PLXNB2: variants seen among roughly 807,000 people sequenced by gnomAD.
The protein encoded by PLXNB2 is plexin-B2.
Under a neutral mutation model 202.6 loss-of-function variants are expected in PLXNB2, and 85 were observed. The ratio of observed to expected loss-of-function variants is 0.42; its 90% confidence interval spans 0.35 to 0.50. The LOEUF (loss-of-function observed/expected upper bound fraction) is 0.50. PLXNB2 is among the 20% of genes least tolerant of loss of function. The probability of loss-of-function intolerance (pLI) is 0.02; values close to 1 mark genes in which losing one functional copy is unlikely to be tolerated. For missense variants in PLXNB2, 2,063 were observed against 2,586.2 expected, an observed-to-expected ratio of 0.80 and a Z score of 4.39; for synonymous variants, 1,239 against 1,137.6, an observed-to-expected ratio of 1.09 and a Z score of -1.79.
intron 1 of PLXNB2, among the ~76,000 whole-genome samples, chr22:50,302,428 G>A (rs145268680): frequency 0.017 from 2,543 of 152,258 alleles, 59 homozygotes; most frequent in East Asian, 0.096. Flanking sequence ...CTTGCTCCAC[G>A]CGGAGGCTTG....
At chr22:50,298,926 G>A (rs1384911739) in intron 1 of PLXNB2, among the ~76,000 whole-genome samples, 2 of 152,238 alleles carry the variant, frequency 1.3e-5, no homozygotes, top group Non-Finnish European at 2.9e-5. Context: ...AATTACAGGC[G>A]TGAGCCACCA....
chr22:50,301,701 C>A (rs547042513), intron 1 of PLXNB2, among the ~76,000 whole-genome samples: 293 of 152,356 alleles, frequency 1.9e-3, no homozygotes, highest in African/African-American at 6.8e-3. Flanking sequence ...CGCCCACAGC[C>A]CCCTTCTCAC....
At chr22:50,276,254 C>A (rs1601666170) in intron 35 of PLXNB2, among the ~76,000 whole-genome samples, 1 of 150,452 alleles carries the variant, frequency 6.6e-6, no homozygotes, top group South Asian at 2.1e-4. Flanking sequence ...AGGGAGGGGG[C>A]GCTGTGGGCA....
chr22:50,275,654 C>CT lies in PLXNB2; in HGVS notation c.*49dup, dbSNP rs1486879810. On this transcript the variant is annotated 3_prime_UTR_variant, in exon 37 of 37. Transcript: ENST00000359337. Reference sequence around the variant, plus strand: ...ACTCGGCCTCCTCCCCTGAGGGGCTCTCAGGTACCTCAGGTACCTATGTCC... The same window carrying CT: ...ACTCGGCCTCCTCCCCTGAGGGGCTCTTCAGGTACCTCAGGTACCTATGTCC... 1 of 1,305,262 alleles carries CT rather than the reference C, an allele frequency of 7.7e-7. No homozygotes were observed. Among genetic ancestry groups the CT allele is most frequent in the Non-Finnish European group, 1.1e-6 (1 of 928,568 alleles). 80.9% of individuals were successfully genotyped at this position (1,305,262 alleles called of 1,614,324 possible).
At chr22:50,292,199 G>T (rs542037619) in intron 2 of PLXNB2, among the ~76,000 whole-genome samples, 2 of 151,934 alleles carry the variant, frequency 1.3e-5, no homozygotes, top group Non-Finnish European at 2.9e-5. Flanking sequence ...TTAGCCAAGC[G>T]TGCTGGCACC....
chr22:50,281,082 T>G lies in PLXNB2; in HGVS notation c.3763+7A>C. ...CGCCCCAGCACCAGCCCCCAAGCGG[T>G]CCCTACCTGTGAATTCCTTCTTGCA... is the stretch of plus-strand genomic sequence containing the variant. On this transcript the variant is annotated splice_region_variant and intron_variant, in intron 23 of 36. Transcript: ENST00000359337. The G allele has an allele frequency of 6.2e-7, 1 of 1,611,700 alleles. No homozygotes were observed. The highest frequency in any genetic ancestry group is 1.3e-5 in the African/African-American group (1 of 74,980).
chr22:50,304,081 T>C (rs2067801422), intron 1 of PLXNB2, among the ~76,000 whole-genome samples: 1 of 152,156 alleles, frequency 6.6e-6, no homozygotes, highest in South Asian at 2.1e-4. Context: ...TGGGCTGGCC[T>C]CTGGGTGTGA....
rs893490057 is a variant in PLXNB2 at position 50,282,519 on chromosome 22, G to C, written c.2987+192C>G. 3.0e-5 allele frequency: 20 copies of C among 674,728 alleles called. No homozygotes were observed. In the African/African-American group the frequency reaches 3.1e-4, roughly 10 times the overall value. 41.8% of individuals were successfully genotyped at this position (674,728 alleles called of 1,614,324 possible). On this transcript the variant is annotated intron_variant, in intron 18 of 36. Transcript: ENST00000359337. ...GCGGGGGGCACACGGGGCCTGGTGA[G>C]CGTGGAGCCTCTGGTGTGCCCATCT...
At chr22:50,305,216 C>T (rs1165797177) in intron 1 of PLXNB2, among the ~76,000 whole-genome samples, 6 of 152,212 alleles carry the variant, frequency 3.9e-5, no homozygotes, top group Admixed American at 2.0e-4. Flanking sequence ...TGAGCACGGA[C>T]GACGTCCTGG....
At chr22:50,296,133 G>C (rs984719157) in intron 1 of PLXNB2, among the ~76,000 whole-genome samples, 1 of 151,544 alleles carries the variant, frequency 6.6e-6, no homozygotes, top group African/African-American at 2.4e-5. Flanking sequence ...GGTGAACTTT[G>C]GGAGCAAGGA....
Position 50,290,072 on chromosome 22 carries a change from G to C in PLXNB2, c.513C>G (p.Gly171=). The C allele has an allele frequency of 1.2e-6, 2 of 1,613,342 alleles. No individual in the cohort carries two copies. The highest frequency in any genetic ancestry group is 1.7e-6 in the Non-Finnish European group (2 of 1,180,026). ...CGTTGTCGTGTGGCCCATTGCCTTT[G>C]CCCACAAACAGCACGCGGTCACCAC... is the stretch of plus-strand genomic sequence containing the variant. ...GPGGDRVLFV[G]KGNGPHDNGI... is the part of the protein sequence containing the mutation. Residue 171 remains glycine (G), a synonymous_variant, in exon 3 of 37, where the codon GGC becomes GGG. Transcript: ENST00000359337.
At chr22:50,307,188 C>T (rs1287987076) in intron 1 of PLXNB2, among the ~76,000 whole-genome samples, 1 of 152,156 alleles carries the variant, frequency 6.6e-6, no homozygotes, top group Non-Finnish European at 1.5e-5. Flanking sequence ...GCCGCTGAGC[C>T]TGGGGCCGGC....
Position 50,277,709 on chromosome 22 carries a change from A to G in PLXNB2, c.5078T>C (p.Leu1693Pro). 2 of 1,603,930 alleles carry G rather than the reference A, an allele frequency of 1.2e-6. No individual in the cohort carries two copies. The highest frequency in any genetic ancestry group is 1.7e-6 in the Non-Finnish European group (2 of 1,173,882). ...SLPLRFWVNI[L>P]KNPHFIFDVH... ...GTCAAAGATGAAGTGGGGGTTCTTGAGGATGTTCACCCAGAACCGGAGCGG... is the reference window on the plus strand; with the variant it reads ...GTCAAAGATGAAGTGGGGGTTCTTGGGGATGTTCACCCAGAACCGGAGCGG... Residue 1693 changes from leucine (L) to proline (P), a missense_variant, in exon 33 of 37, where the codon CTC (leucine) becomes CCC (proline). Leu to Pro is a moderately conservative substitution (Grantham distance 98). Around this residue, in one of 2 missense-constraint regions of PLXNB2, gnomAD observed 760 missense variants for 1,109.4 expected, o/e 0.69. Transcript: ENST00000359337.
rs534785502 is a variant in PLXNB2 at position 50,282,039 on chromosome 22, C to A, written c.3160G>T (p.Val1054Phe). 1 of 1,612,810 alleles carries A rather than the reference C, an allele frequency of 6.2e-7. No individual in the cohort carries two copies. Among genetic ancestry groups the A allele is most frequent in the Non-Finnish European group, 8.5e-7 (1 of 1,179,968 alleles). The change falls in exon 20 of 37, where the codon GTC (valine) becomes TTC (phenylalanine). Residue 1054 changes from valine to phenylalanine, a missense_variant. Val to Phe is a conservative substitution (Grantham distance 50). Around this residue, in one of 2 missense-constraint regions of PLXNB2, gnomAD observed 760 missense variants for 1,109.4 expected, o/e 0.69. Transcript: ENST00000359337. ...TCAGGCACAGCCGGGGACAGGAAGA[C>A]GACCTTGGTGTCATTGTGGAACACG... is the stretch of plus-strand genomic sequence containing the variant. ...DYVFHNDTKV[V>F]FLSPAVPEEP...
intron 1 of PLXNB2, among the ~76,000 whole-genome samples, chr22:50,296,820 G>A (rs1338244090): frequency 2.0e-5 from 3 of 152,006 alleles, no homozygotes; most frequent in African/African-American, 4.8e-5. Context: ...CCACCCCACC[G>A]GGATCCTCAT....
chr22:50,287,352 C>T (rs2066531349), intron 7 of PLXNB2, 88 bp from the exon 8 acceptor site: 7 of 1,384,632 alleles, frequency 5.1e-6, no homozygotes, highest in Middle Eastern at 2.0e-4. Flanking sequence ...CGTGTGTGGG[C>T]GCACGTCCCA....
chr22:50,284,377 C>G lies in PLXNB2; in HGVS notation c.2182-164G>C. On this transcript the variant is annotated intron_variant, in intron 12 of 36. Transcript: ENST00000359337. This position sits in a 1 kb window ranked among gnomAD's most constrained non-coding sequence, Gnocchi z 8.0. ...GTTCGGGAACCCCATGGACGCTGCT[C>G]TGTGCCACTCTGTCCCCAGGGAGGC... 1.4e-6 allele frequency: 1 copy of G among 732,006 alleles called. No homozygotes were observed. 45.3% of individuals were successfully genotyped at this position (732,006 alleles called of 1,614,324 possible).
intron 1 of PLXNB2, among the ~76,000 whole-genome samples, chr22:50,306,681 C>CCACTCT (rs2067893976): frequency 6.9e-6 from 1 of 145,422 alleles, no homozygotes; most frequent in Non-Finnish European, 1.5e-5. Flanking sequence ...GGTTTGGGGC[C>CCACTCT]CACCCTCACC....
chr22:50,295,588 C>T (rs1007464154), intron 1 of PLXNB2, among the ~76,000 whole-genome samples: 15 of 152,108 alleles, frequency 9.9e-5, no homozygotes, highest in Admixed American at 2.0e-4. Context: ...GGATAAACAC[C>T]GACTATACCC....
Sources: gnomAD v4.1 joint callset for allele counts (sites outside exome capture counted in the v4.1 genomes callset) on GRCh38, gnomAD v4.1.1 for gene constraint, gnomAD v4.1.1 regional missense constraint, Gnocchi (gnomAD v3.1) non-coding constraint, MANE v1.5 for transcripts, NCBI Gene and HGNC (gene_info 2026-07-23, HGNC 2026-07-21) for gene names.